METTL15: variants seen among roughly 807,000 people sequenced by gnomAD.
The protein encoded by METTL15 is 12S rRNA N(4)-cytidine methyltransferase METTL15.
A neutral mutation model predicts 38.3 loss-of-function variants in METTL15; 34 were observed. The ratio of observed to expected loss-of-function variants is 0.89; its 90% CI spans 0.68 to 1.18. METTL15 has a LOEUF of 1.18. METTL15 is among the 50% of genes most tolerant of loss of function. METTL15 has a pLI of 0.00. For synonymous variants in METTL15, 162 were observed against 170.9 expected, an observed-to-expected ratio of 0.95 and a Z score of 0.41; for missense variants, 438 against 498.4, an observed-to-expected ratio of 0.88 and a Z score of 1.15.
chr11:28,239,020 C>T (rs1310793284), intron 4 of METTL15, among the ~76,000 whole-genome samples: 2 of 151,842 alleles, frequency 1.3e-5, no homozygotes. Flanking sequence ...CTTCTTTTGC[C>T]CTAATATTTG....
intron 5 of METTL15, among the ~76,000 whole-genome samples, chr11:28,373,978 T>A (rs76371122): frequency 0.42 from 64,227 of 151,632 alleles, 14,974 homozygotes; most frequent in Admixed American, 0.54. Context: ...ATAGTTGTAG[T>A]TATGCGGCGT....
At chr11:28,137,288 A>G (rs1175330570) in intron 3 of METTL15, among the ~76,000 whole-genome samples, 12 of 152,268 alleles carry the variant, frequency 7.9e-5, no homozygotes, top group Non-Finnish European at 1.5e-4. Context: ...TCTTTGTTTA[A>G]ACCTTCAGCT....
intron 4 of METTL15, among the ~76,000 whole-genome samples, chr11:28,279,578 G>A (rs1171945983): frequency 6.6e-6 from 1 of 151,726 alleles, no homozygotes; most frequent in Non-Finnish European, 1.5e-5. Context: ...GGTTACTTTG[G>A]TGATCACAAC....
intron 5 of METTL15, among the ~76,000 whole-genome samples, chr11:28,416,763 C>T (rs1035691525): frequency 6.6e-6 from 1 of 152,194 alleles, no homozygotes; most frequent in Non-Finnish European, 1.5e-5. Context: ...TCTTCTGACC[C>T]TGTGTTTGCC....
chr11:28,393,752 G>A (rs1850538351), intron 5 of METTL15, among the ~76,000 whole-genome samples: 1 of 151,976 alleles, frequency 6.6e-6, no homozygotes, highest in African/African-American at 2.4e-5. Context: ...GTACTCTTTT[G>A]GTCACTTAGG....
chr11:28,110,638 A>T (rs1851680861), intron 2 of METTL15, among the ~76,000 whole-genome samples: 1 of 152,038 alleles, frequency 6.6e-6, no homozygotes, highest in Non-Finnish European at 1.5e-5. Flanking sequence ...AACCTCTTTC[A>T]CTTTCTCAGC....
chr11:28,221,073 T>A (rs1400130693), intron 4 of METTL15, among the ~76,000 whole-genome samples: 2 of 152,118 alleles, frequency 1.3e-5, no homozygotes, highest in Non-Finnish European at 2.9e-5. Context: ...ATCTTTGTGG[T>A]GTTCTCTGTG....
chr11:28,163,989 A>G (rs551718713), intron 3 of METTL15: 1 of 152,256 alleles, frequency 6.6e-6, no homozygotes, highest in East Asian at 1.9e-4. Context: ...GATTACATTT[A>G]TGTTTTAACT....
intron 3 of METTL15, among the ~76,000 whole-genome samples, chr11:28,196,262 G>A (rs1349961734): frequency 6.6e-6 from 1 of 151,828 alleles, no homozygotes; most frequent in Non-Finnish European, 1.5e-5. Context: ...TTTGATAGCA[G>A]TTGCATTTAA....
intron 6 of METTL15, among the ~76,000 whole-genome samples, chr11:28,480,005 T>C (rs1851382329): frequency 6.6e-6 from 1 of 152,216 alleles, no homozygotes; most frequent in Non-Finnish European, 1.5e-5. Flanking sequence ...CATTTTCATC[T>C]ACATTAACTA....
intron 6 of METTL15, among the ~76,000 whole-genome samples, chr11:28,436,178 T>A (rs1850980643): frequency 1.3e-5 from 2 of 152,212 alleles, no homozygotes; most frequent in Admixed American, 1.3e-4. Flanking sequence ...TTCACCGTTA[T>A]ATGAAATGGA....
At chr11:28,436,846 T>A (rs947826881) in intron 6 of METTL15, among the ~76,000 whole-genome samples, 1 of 152,210 alleles carries the variant, frequency 6.6e-6, no homozygotes, top group African/African-American at 2.4e-5. Context: ...CCTGGGTGTG[T>A]CTATGGGGAT....
chr11:28,139,811 T>TAGAAA (rs1849636000), intron 3 of METTL15, among the ~76,000 whole-genome samples: 1 of 151,586 alleles, frequency 6.6e-6, no homozygotes, highest in Non-Finnish European at 1.5e-5. Flanking sequence ...AGGGCCATGT[T>TAGAAA]AGAAAAGAAA....
rs1852229228 is a variant in METTL15 at position 28,204,337 on chromosome 11, T to G, written c.271-6725T>G. ...TTCTCTCTTCAGAAAGAGCAGAGAA[T>G]TTAGTGTTGGCGAGACCTAGTTTAG... On this transcript the variant is annotated intron_variant, in intron 3 of 6. Transcript: ENST00000407364. Among the ~76,000 whole-genome samples, 3 of 152,010 alleles carry G rather than the reference T, an allele frequency of 2.0e-5. No individual in the cohort carries two copies. The South Asian group carries it at 6.2e-4, about 32-fold the overall frequency.
At chr11:28,325,699 CAGT>C (rs1849613914) in intron 6 of METTL15, among the ~76,000 whole-genome samples, 1 of 152,160 alleles carries the variant, frequency 6.6e-6, no homozygotes, top group African/African-American at 2.4e-5. Context: ...GAAACTAATT[CAGT>C]AGATCTGGAG....
At chr11:28,381,395 TC>T (rs1320457693) in intron 5 of METTL15, among the ~76,000 whole-genome samples, 8 of 152,172 alleles carry the variant, frequency 5.3e-5, no homozygotes, top group African/African-American at 1.9e-4. Context: ...TGGATATTTA[TC>T]TCTTTTGCAA....
chr11:28,341,951 A>T (rs1849956590), intron 3 of METTL15, among the ~76,000 whole-genome samples: 1 of 152,196 alleles, frequency 6.6e-6, no homozygotes, highest in Non-Finnish European at 1.5e-5. Context: ...AACTAGGCTA[A>T]TCCTGGCTAC....
intron 6 of METTL15, among the ~76,000 whole-genome samples, chr11:28,521,223 T>G (rs1158847274): frequency 6.6e-6 from 1 of 152,212 alleles, no homozygotes; most frequent in African/African-American, 2.4e-5. Context: ...TAATCAGCCC[T>G]TATTTAGTGC....
intron 3 of METTL15, among the ~76,000 whole-genome samples, chr11:28,132,943 T>A (rs547594281): frequency 6.6e-6 from 1 of 152,302 alleles, no homozygotes; most frequent in South Asian, 2.1e-4. Context: ...GTTTTAATTT[T>A]TATCTCCTTA....
Sources: gnomAD v4.1 joint callset for allele counts (sites outside exome capture counted in the v4.1 genomes callset) on GRCh38, gnomAD v4.1.1 for gene constraint, MANE v1.5 for transcripts, NCBI Gene and HGNC (gene_info 2026-07-23, HGNC 2026-07-21) for gene names.